Variants in KSR2 observed in about 807,000 individuals in gnomAD.
KSR2 encodes the protein kinase suppressor of ras 2.
Under a neutral mutation model 107.8 loss-of-function variants are expected in KSR2, and 25 were observed. The observed-to-expected ratio is 0.23, with a 90% CI of 0.17 to 0.32. The LOEUF is 0.32. Among genes scored for constraint, KSR2 ranks in the 10% least tolerant of loss-of-function variants. KSR2 has a pLI of 1.00. For missense variants in KSR2, 887 were observed against 1,268.9 expected (o/e 0.70, Z 4.57); for synonymous variants, 480 against 507.0 (o/e 0.95, Z 0.71).
At chr12:117,527,162 C>CAGGTCTAT in intron 12 of KSR2, 43 bp from the exon 13 acceptor site, 1 of 1,454,760 alleles carries the variant, frequency 6.9e-7, no homozygotes, top group Non-Finnish European at 9.7e-7. Flanking sequence ...GGTGAAAAGG[C>CAGGTCTAT]AGGTCTATAT....
At chr12:117,718,206 G>A (rs377748922) in intron 4 of KSR2, among the ~76,000 whole-genome samples, 12 of 152,188 alleles carry the variant, frequency 7.9e-5, no homozygotes, top group African/African-American at 2.4e-4. Context: ...TTGTCTAGAG[G>A]TGCTGCTGTA....
At chr12:117,625,151 C>T (rs4767585) in intron 5 of KSR2, among the ~76,000 whole-genome samples, 1 of 152,082 alleles carries the variant, frequency 6.6e-6, no homozygotes, top group African/African-American at 2.4e-5. Flanking sequence ...TCTGCAAACA[C>T]GGACAATTTG....
rs146638146 is a variant in KSR2 at position 117,699,661 on chromosome 12, G to C, written c.987-32003C>G. Among the ~76,000 whole-genome samples the C allele has an allele frequency of 2.3e-4, 35 of 152,272 alleles. No individual in the cohort carries two copies. In the East Asian group the frequency reaches 6.2e-3, roughly 27 times the overall value. Reference sequence around the variant, plus strand: ...CCTGTATAAGGCATTTACCATGAATGGAGCTTGTAGGACTGGAAGTTGCTC... The same window carrying C: ...CCTGTATAAGGCATTTACCATGAATCGAGCTTGTAGGACTGGAAGTTGCTC... On this transcript the variant is annotated intron_variant, in intron 4 of 19. Transcript: ENST00000339824.
In KSR2 at chr12:117,539,741, C is replaced by G. The variant is rs767937943; in HGVS notation, c.1665G>C (p.Gln555His). ...TACCTGGCAGGTTGAAGTTCTTCTG[C>G]TGCCGTGTGCACTGTGGGGAAGGGT... ...PLHPSPQCTR[Q>H]QKNFNLPASH... is the part of the protein sequence containing the mutation. Residue 555 changes from glutamine to histidine, a missense_variant, in exon 10 of 20, where the codon CAG (glutamine) becomes CAC (histidine). Transcript: ENST00000339824. 1 of 1,601,796 alleles carries G rather than the reference C, an allele frequency of 6.2e-7. No individual in the cohort carries two copies. The highest frequency in any genetic ancestry group is 1.4e-5 in the African/African-American group (1 of 73,994).
chr12:117,594,541 G>A (rs553227655), intron 5 of KSR2, among the ~76,000 whole-genome samples: 5 of 148,388 alleles, frequency 3.4e-5, no homozygotes, highest in African/African-American at 7.3e-5. Context: ...CTGCTGAGGC[G>A]ACAGGGTTGT....
chr12:117,609,405 A>G (rs1565924517), intron 5 of KSR2, among the ~76,000 whole-genome samples: 1 of 152,238 alleles, frequency 6.6e-6, no homozygotes, highest in Non-Finnish European at 1.5e-5. Context: ...ACTAACCCAG[A>G]GGTCAGCTAA....
At chr12:117,658,796 C>A (rs1328954086) in intron 5 of KSR2, among the ~76,000 whole-genome samples, 2 of 152,114 alleles carry the variant, frequency 1.3e-5, no homozygotes, top group Non-Finnish European at 2.9e-5. Context: ...AAACCCAACC[C>A]CCCTGCAGCG....
rs538578828 is a variant in KSR2, at chr12:117,959,463, C to A, written c.180+8613G>T. On this transcript the variant is annotated intron_variant, in intron 1 of 19. Coordinates refer to ENST00000339824, the MANE Select transcript of KSR2 (RefSeq NM_173598.6). ...AATCCAGCCACCTGCCCCATCCACC[C>A]CACAACAATCATACCAGTCAAAAGC... is the stretch of plus-strand genomic sequence containing the variant. 1.2e-4 allele frequency among the ~76,000 whole-genome samples: 18 copies of A among 152,284 alleles called. 1 individual carries two copies. In the South Asian group the frequency reaches 3.7e-3, roughly 32 times the overall value.
intron 1 of KSR2, among the ~76,000 whole-genome samples, chr12:117,949,464 G>A (rs1896295678): frequency 6.6e-6 from 1 of 152,126 alleles, no homozygotes; most frequent in African/African-American, 2.4e-5. Context: ...TTCTCAAAAA[G>A]ACAAAGCTAT....
chr12:117,681,835 T>G (rs922470042), intron 4 of KSR2, among the ~76,000 whole-genome samples: 8 of 152,260 alleles, frequency 5.3e-5, no homozygotes, highest in Admixed American at 2.0e-4. Context: ...GCAAATTAAT[T>G]AAACCGTTGG....
chr12:117,926,451 G>A (rs956346533), intron 1 of KSR2, among the ~76,000 whole-genome samples: 4 of 152,226 alleles, frequency 2.6e-5, no homozygotes, highest in African/African-American at 7.2e-5. Flanking sequence ...GGAAGCTGCT[G>A]CTCTGGAGGT....
intron 4 of KSR2, among the ~76,000 whole-genome samples, chr12:117,749,503 A>G (rs1025719503): frequency 6.6e-6 from 1 of 152,168 alleles, no homozygotes; most frequent in African/African-American, 2.4e-5. Context: ...CCGTCATAAT[A>G]TCATCAGTTT....
intron 17 of KSR2, among the ~76,000 whole-genome samples, chr12:117,473,061 C>A (rs559876243): frequency 1.3e-5 from 2 of 152,302 alleles, no homozygotes; most frequent in South Asian, 4.1e-4. Context: ...CCCCTATACA[C>A]CAGAGCCTGC....
intron 3 of KSR2, among the ~76,000 whole-genome samples, chr12:117,772,285 TCA>T (rs1889508745): frequency 4.1e-5 from 1 of 24,418 alleles, no homozygotes; most frequent in Non-Finnish European, 8.0e-5. Flanking sequence ...GCACACACAC[TCA>T]CACATACACA....
chr12:117,812,676 T>G (rs893010727), intron 3 of KSR2, among the ~76,000 whole-genome samples: 5 of 151,838 alleles, frequency 3.3e-5, no homozygotes, highest in African/African-American at 1.2e-4. Context: ...TGGAAAGATA[T>G]CCCATGTTCA....
intron 3 of KSR2, among the ~76,000 whole-genome samples, chr12:117,803,392 C>T (rs147272392): frequency 1.3e-3 from 199 of 152,296 alleles, no homozygotes; most frequent in African/African-American, 4.6e-3. Context: ...CGACCCCATG[C>T]TGGGGAGCTT....
intron 1 of KSR2, among the ~76,000 whole-genome samples, chr12:117,944,618 G>T (rs1896116885): frequency 6.6e-6 from 1 of 152,062 alleles, no homozygotes; most frequent in Non-Finnish European, 1.5e-5. Flanking sequence ...CACTTTGGGA[G>T]GCGGAGACAG....
chr12:117,957,451 G>A (rs1368225491), intron 1 of KSR2, among the ~76,000 whole-genome samples: 1 of 151,790 alleles, frequency 6.6e-6, no homozygotes, highest in Non-Finnish European at 1.5e-5. Context: ...CCTCCTTCCT[G>A]GCCACCATGT....
rs1004437487 is a variant in KSR2, at chr12:117,457,372, G to T, written c.*9827C>A. ...CAGGGGACATCTGGCAATGTCTGGA[G>T]ATGGTTTTGGATGTCACACTTTGGA... On this transcript the variant is annotated 3_prime_UTR_variant, in exon 20 of 20. Coordinates refer to ENST00000339824, the MANE Select transcript of KSR2 (RefSeq NM_173598.6). 3 of 152,238 alleles carry T rather than the reference G, an allele frequency of 2.0e-5. No homozygotes were observed. The highest frequency in any genetic ancestry group is 4.4e-5 in the Non-Finnish European group (3 of 68,062). 9.4% of individuals were successfully genotyped at this position (152,238 alleles called of 1,614,324 possible).
Sources: allele counts gnomAD v4.1 joint callset (sites outside exome capture counted in the v4.1 genomes callset), GRCh38; gene constraint gnomAD v4.1.1; transcripts MANE v1.5; gene names NCBI Gene and HGNC (gene_info 2026-07-23, HGNC 2026-07-21).